SORCS3: variants seen among roughly 807,000 people sequenced by gnomAD.
The protein encoded by SORCS3 is sortilin related VPS10 domain containing receptor 3, also known as VPS10 domain-containing receptor SorCS3.
SORCS3 carries 57 observed loss-of-function variants against 146.3 expected under a neutral mutation model. The observed-to-expected ratio is 0.39, with a 90% CI of 0.31 to 0.49. SORCS3 has a LOEUF of 0.49. Among genes scored for constraint, SORCS3 ranks in the 20% least tolerant of loss-of-function variants. The pLI is 0.92. For missense variants in SORCS3, 1,341 were observed against 1,575.5 expected (o/e 0.85, Z 2.52); for synonymous variants, 653 against 618.5 (o/e 1.06, Z -0.83).
intron 1 of SORCS3, among the ~76,000 whole-genome samples, chr10:104,648,558 G>A (rs186396886): frequency 3.9e-5 from 6 of 152,206 alleles, no homozygotes; most frequent in Admixed American, 1.3e-4. Context: ...CCCACCCACC[G>A]CGGTGGCTGC....
chr10:105,115,136 C>T (rs1455608271), intron 7 of SORCS3, among the ~76,000 whole-genome samples: 1 of 152,118 alleles, frequency 6.6e-6, no homozygotes, highest in Non-Finnish European at 1.5e-5. Context: ...ACAGCCCTGA[C>T]TTTAAAGACC....
chr10:104,916,054 TG>T, intron 3 of SORCS3, 122 bp downstream of exon 3: 1 of 694,890 alleles, frequency 1.4e-6, no homozygotes, highest in Non-Finnish European at 2.5e-6. Context: ...GTTTATATGC[TG>T]GGAACTTCAT....
intron 2 of SORCS3, 41 bp from the exon 3 acceptor site, chr10:104,915,792 T>A (rs1219668873): frequency 7.0e-6 from 11 of 1,573,372 alleles, no homozygotes; most frequent in Non-Finnish European, 9.6e-6. Context: ...TGCCCATTGG[T>A]AAAATGATCT....
chr10:104,975,795 A>G (rs1205373380), intron 3 of SORCS3, among the ~76,000 whole-genome samples: 2 of 152,234 alleles, frequency 1.3e-5, no homozygotes, highest in Non-Finnish European at 2.9e-5. Context: ...AACCTGAGAA[A>G]AACCAGCAAT....
At chr10:104,806,840 A>G (rs1277080312) in intron 1 of SORCS3, among the ~76,000 whole-genome samples, 2 of 152,166 alleles carry the variant, frequency 1.3e-5, no homozygotes, top group Non-Finnish European at 2.9e-5. Flanking sequence ...TCTTTCTCCT[A>G]CAAATTATCT....
At chr10:104,771,405 T>C (rs1195070996) in intron 1 of SORCS3, among the ~76,000 whole-genome samples, 1 of 152,146 alleles carries the variant, frequency 6.6e-6, no homozygotes, top group African/African-American at 2.4e-5. Context: ...GCTCATGGAA[T>C]CTCTGCTTGG....
At chr10:105,240,768 T>A (rs2056817189) in intron 20 of SORCS3, among the ~76,000 whole-genome samples, 1 of 151,978 alleles carries the variant, frequency 6.6e-6, no homozygotes, top group East Asian at 1.9e-4. Context: ...TTCCTGAAAG[T>A]CCTCTCATGC....
At chr10:104,994,178 C>G (rs1288048569) in intron 4 of SORCS3, among the ~76,000 whole-genome samples, 1 of 152,174 alleles carries the variant, frequency 6.6e-6, no homozygotes, top group East Asian at 1.9e-4. Context: ...TTGTTACCAT[C>G]TTTGCTATCA....
intron 6 of SORCS3, among the ~76,000 whole-genome samples, chr10:105,100,351 T>G (rs1180794669): frequency 6.6e-6 from 1 of 152,234 alleles, no homozygotes; most frequent in African/African-American, 2.4e-5. Flanking sequence ...ATGAGATCTT[T>G]CTACTGTCTG....
intron 1 of SORCS3, among the ~76,000 whole-genome samples, chr10:104,799,556 C>G (rs1464251731): frequency 6.6e-6 from 1 of 151,356 alleles, no homozygotes; most frequent in Non-Finnish European, 1.5e-5. Context: ...GGTTGGGGGG[C>G]TAGGGGAGGG....
chr10:104,907,221 G>C, intron 2 of SORCS3, among the ~76,000 whole-genome samples: 1 of 152,042 alleles, frequency 6.6e-6, no homozygotes, highest in East Asian at 1.9e-4. Context: ...CAGAGATGCA[G>C]TGAATTATGG....
chr10:105,160,438 A>G (rs1589662912), intron 11 of SORCS3, among the ~76,000 whole-genome samples: 1 of 152,048 alleles, frequency 6.6e-6, no homozygotes, highest in African/African-American at 2.4e-5. Context: ...ACCAGCCTGG[A>G]CAACATGGTG....
chr10:104,744,669 C>A (rs189375042), intron 1 of SORCS3, among the ~76,000 whole-genome samples: 211 of 152,308 alleles, frequency 1.4e-3, no homozygotes, highest in Admixed American at 5.0e-3. Flanking sequence ...AACCTAATTT[C>A]CTCCCACACT....
chr10:104,659,444 C>A (rs1334604), intron 1 of SORCS3, among the ~76,000 whole-genome samples: 148,901 of 152,320 alleles, frequency 0.98, 72,835 homozygotes, highest in East Asian at 1. Context: ...GATGCCCATT[C>A]GTATTCCATT....
chr10:104,842,961 G>T, intron 2 of SORCS3, 102 bp downstream of exon 2: 2 of 910,722 alleles, frequency 2.2e-6, no homozygotes, highest in Non-Finnish European at 3.6e-6. Context: ...GCAGAAGATA[G>T]TCCTCTTCCT....
chr10:105,032,471 C>T (rs2055275466), intron 4 of SORCS3, among the ~76,000 whole-genome samples: 1 of 152,030 alleles, frequency 6.6e-6, no homozygotes, highest in South Asian at 2.1e-4. Context: ...AAAGAATAGC[C>T]TTTGAAGTAC....
intron 1 of SORCS3, among the ~76,000 whole-genome samples, chr10:104,783,967 C>CTT (rs1332330492): frequency 6.6e-6 from 1 of 152,178 alleles, no homozygotes; most frequent in Non-Finnish European, 1.5e-5. Flanking sequence ...GGCCAGATGC[C>CTT]TTTGGGAAAA....
At chr10:104,830,844 C>T (rs1214509136) in intron 1 of SORCS3, among the ~76,000 whole-genome samples, 1 of 152,104 alleles carries the variant, frequency 6.6e-6, no homozygotes, top group Admixed American at 6.6e-5. Context: ...CAAGGTCTTT[C>T]TCTGTCACCC....
At chr10:104,920,866 A>T in intron 3 of SORCS3, among the ~76,000 whole-genome samples, 1 of 152,190 alleles carries the variant, frequency 6.6e-6, no homozygotes, top group South Asian at 2.1e-4. Flanking sequence ...CATTATTTTA[A>T]TGACCTTGAC....
Sources: gnomAD v4.1 joint callset for allele counts (sites outside exome capture counted in the v4.1 genomes callset) on GRCh38, gnomAD v4.1.1 for gene constraint, MANE v1.5 for transcripts, NCBI Gene and HGNC (gene_info 2026-07-23, HGNC 2026-07-21) for gene names.